The following FNIP1 variants were observed in gnomAD, a reference collection of about 807,000 sequenced individuals.
FNIP1 encodes folliculin interacting protein 1.
In FNIP1, 40 loss-of-function variants were observed where a neutral mutation model predicts 124.5. That is an observed-to-expected ratio of 0.32 (90% CI 0.25 to 0.42). FNIP1 has a LOEUF of 0.42. Ranked by LOEUF, FNIP1 falls within the 10% of genes least tolerant of loss-of-function variation. The probability of loss-of-function intolerance (pLI) is 1.00; values close to 1 mark genes in which losing one functional copy is unlikely to be tolerated. For synonymous variants in FNIP1, 472 were observed against 470.6 expected (o/e 1.00, Z -0.04); for missense variants, 1,176 against 1,403.7 (o/e 0.84, Z 2.59).
At chr5:131,693,340 A>ATATATATG (rs1561658390) in intron 11 of FNIP1, among the ~76,000 whole-genome samples, 3 of 128,808 alleles carry the variant, frequency 2.3e-5, no homozygotes, top group East Asian at 2.2e-4. Flanking sequence ...ATACATATAT[A>ATATATATG]TATATATATA....
chr5:131,649,797 A>G (rs1397531707), intron 16 of FNIP1, among the ~76,000 whole-genome samples: 1 of 152,156 alleles, frequency 6.6e-6, no homozygotes, highest in Non-Finnish European at 1.5e-5. Flanking sequence ...TCTTTGATCC[A>G]TTTGGAGTTC....
At chr5:131,780,917 C>T (rs1394237488) in intron 1 of FNIP1, among the ~76,000 whole-genome samples, 1 of 152,096 alleles carries the variant, frequency 6.6e-6, no homozygotes, top group Non-Finnish European at 1.5e-5. Context: ...AATGATCAAG[C>T]GTAGTGAGGA....
At chr5:131,788,561 C>T (rs777380821) in intron 1 of FNIP1, among the ~76,000 whole-genome samples, 25 of 151,562 alleles carry the variant, frequency 1.6e-4, no homozygotes, top group Non-Finnish European at 2.4e-4. Flanking sequence ...AATTTTTGGG[C>T]GTGGTGGCAC....
intron 2 of FNIP1, among the ~76,000 whole-genome samples, chr5:131,736,093 G>A (rs1472256205): frequency 6.6e-6 from 1 of 152,054 alleles, no homozygotes; most frequent in Non-Finnish European, 1.5e-5. Context: ...ATTGTTATTA[G>A]AAAACAGTTA....
chr5:131,694,522 AC>A (rs1768623021), intron 11 of FNIP1, among the ~76,000 whole-genome samples: 1 of 152,160 alleles, frequency 6.6e-6, no homozygotes, highest in Non-Finnish European at 1.5e-5. Flanking sequence ...TTTCAAGCAT[AC>A]AACATTCTGG....
chr5:131,792,981 C>T (rs1461949035), intron 1 of FNIP1, among the ~76,000 whole-genome samples: 2 of 152,198 alleles, frequency 1.3e-5, no homozygotes, highest in East Asian at 3.8e-4. Flanking sequence ...AAACATTTCA[C>T]TTCAAAACAA....
intron 1 of FNIP1, among the ~76,000 whole-genome samples, chr5:131,769,861 G>T (rs1225942188): frequency 6.6e-6 from 1 of 152,168 alleles, no homozygotes; most frequent in Non-Finnish European, 1.5e-5. Context: ...ATGACTACGA[G>T]AAAATCAATC....
chr5:131,781,654 G>A (rs979447786), intron 1 of FNIP1, among the ~76,000 whole-genome samples: 11 of 152,010 alleles, frequency 7.2e-5, no homozygotes, highest in East Asian at 3.8e-4. Context: ...GAGACCTACC[G>A]CTCAGAAAAA....
chr5:131,793,461 A>T (rs1449439059), intron 1 of FNIP1, among the ~76,000 whole-genome samples: 1 of 152,348 alleles, frequency 6.6e-6, no homozygotes, highest in South Asian at 2.1e-4. Flanking sequence ...AAATTCTTGA[A>T]ATGGAGAAAA....
chr5:131,708,186 G>C (rs58423926), intron 8 of FNIP1, among the ~76,000 whole-genome samples: 2,499 of 152,258 alleles, frequency 0.016, 53 homozygotes, highest in African/African-American at 0.053. Context: ...GAGAGTCTTT[G>C]AAAGTAGAGT....
intron 15 of FNIP1, among the ~76,000 whole-genome samples, chr5:131,662,388 T>C (rs1022177367): frequency 3.9e-5 from 6 of 152,172 alleles, no homozygotes; most frequent in African/African-American, 1.4e-4. Context: ...GACTACCTCA[T>C]TGAAAGAAAA....
At chr5:131,739,910 C>CT (rs1352702651) in intron 2 of FNIP1, among the ~76,000 whole-genome samples, 1 of 150,680 alleles carries the variant, frequency 6.6e-6, no homozygotes, top group African/African-American at 2.4e-5. Context: ...CACTGCCCTT[C>CT]TTTTTCAGTT....
intron 2 of FNIP1, among the ~76,000 whole-genome samples, chr5:131,743,921 C>T (rs1283994956): frequency 6.6e-6 from 1 of 152,068 alleles, no homozygotes; most frequent in African/African-American, 2.4e-5. Context: ...ATTATTTTAG[C>T]AGCTTTGTGA....
At chr5:131,750,068 T>G (rs1194760220) in intron 1 of FNIP1, among the ~76,000 whole-genome samples, 1 of 152,216 alleles carries the variant, frequency 6.6e-6, no homozygotes, top group Admixed American at 6.5e-5. Flanking sequence ...ATGTACTGGC[T>G]GCAAACTACA....
At chr5:131,723,162 T>G (rs897820591) in intron 3 of FNIP1, among the ~76,000 whole-genome samples, 1 of 152,154 alleles carries the variant, frequency 6.6e-6, no homozygotes, top group Non-Finnish European at 1.5e-5. Flanking sequence ...AATGATAAAA[T>G]AGCTATTTAA....
At chr5:131,787,172 C>T (rs2149588249) in intron 1 of FNIP1, among the ~76,000 whole-genome samples, 1 of 152,312 alleles carries the variant, frequency 6.6e-6, no homozygotes, top group Non-Finnish European at 1.5e-5. Flanking sequence ...CCAATCAGGT[C>T]ATGATGACCA....
chr5:131,710,546 C>G, intron 7 of FNIP1, 32 bp downstream of exon 7: 1 of 1,596,864 alleles, frequency 6.3e-7, no homozygotes, highest in Non-Finnish European at 8.5e-7. Context: ...TGGGGCACAC[C>G]AACTAGTCTA....
chr5:131,734,265 T>C (rs1449602956), intron 2 of FNIP1, among the ~76,000 whole-genome samples: 1 of 152,214 alleles, frequency 6.6e-6, no homozygotes, highest in South Asian at 2.1e-4. Flanking sequence ...GTTGATCTTT[T>C]CAAAAAACCA....
At chr5:131,762,982 G>C (rs529305035) in intron 1 of FNIP1, among the ~76,000 whole-genome samples, 4 of 152,212 alleles carry the variant, frequency 2.6e-5, no homozygotes, top group South Asian at 2.1e-4. Context: ...AACTGAACTA[G>C]TGGAGATAGA....
Sources: allele counts gnomAD v4.1 joint callset (sites outside exome capture counted in the v4.1 genomes callset), GRCh38; gene constraint gnomAD v4.1.1; transcripts MANE v1.5; gene names NCBI Gene and HGNC (gene_info 2026-07-23, HGNC 2026-07-21).